The following ARHGAP15 variants were observed in gnomAD, a reference collection of about 807,000 sequenced individuals.
ARHGAP15 encodes the protein rho GTPase-activating protein 15.
A neutral mutation model predicts 63.7 loss-of-function variants in ARHGAP15; 51 were observed. The observed-to-expected ratio is 0.80, with a 90% CI of 0.64 to 1.01. The LOEUF (loss-of-function observed/expected upper bound fraction) is 1.01. ARHGAP15 is among the 50% of genes least tolerant of loss of function. The pLI is 0.00. For missense variants in ARHGAP15, 560 were observed against 564.6 expected, an observed-to-expected ratio of 0.99 and a Z score of 0.08; for synonymous variants, 191 against 193.8, an observed-to-expected ratio of 0.99 and a Z score of 0.12.
At chr2:143,490,456 C>T (rs1266333654) in intron 9 of ARHGAP15, among the ~76,000 whole-genome samples, 1 of 152,164 alleles carries the variant, frequency 6.6e-6, no homozygotes, top group Non-Finnish European at 1.5e-5. Context: ...GAGTCACGTC[C>T]ACAAAGCACT....
chr2:143,262,598 T>C (rs1204661941), intron 6 of ARHGAP15, among the ~76,000 whole-genome samples: 2 of 148,820 alleles, frequency 1.3e-5, no homozygotes, highest in Non-Finnish European at 3.0e-5. Context: ...GACAGTTCAC[T>C]GCTCTCATCA....
chr2:143,712,139 T>C (rs1315109657), intron 13 of ARHGAP15, among the ~76,000 whole-genome samples: 6 of 151,952 alleles, frequency 3.9e-5, no homozygotes, highest in Admixed American at 3.9e-4. Context: ...AAGGGAGTGA[T>C]AGGGAGAATG....
At chr2:143,606,035 C>CAAATA (rs1697999566) in intron 11 of ARHGAP15, among the ~76,000 whole-genome samples, 1 of 22,862 alleles carries the variant, frequency 4.4e-5, no homozygotes, top group Non-Finnish European at 7.0e-5. Context: ...GACTCTGTCT[C>CAAATA]AAAAAAAAAA....
chr2:143,378,436 T>G (rs938413780), intron 6 of ARHGAP15, among the ~76,000 whole-genome samples: 6 of 152,074 alleles, frequency 3.9e-5, no homozygotes, highest in African/African-American at 1.4e-4. Flanking sequence ...CCCAGTTATC[T>G]ATCCAAAATA....
At chr2:143,527,272 T>A (rs1316142208) in intron 10 of ARHGAP15, among the ~76,000 whole-genome samples, 1 of 152,098 alleles carries the variant, frequency 6.6e-6, no homozygotes, top group African/African-American at 2.4e-5. Flanking sequence ...TATTTTTTTG[T>A]ACAGGATATT....
At chr2:143,438,102 T>C (rs33998211) in intron 8 of ARHGAP15, among the ~76,000 whole-genome samples, 7,724 of 151,842 alleles carry the variant, frequency 0.051, 269 homozygotes, top group East Asian at 0.14. Context: ...TTTGGGGGAG[T>C]CTTCTACCTG....
At chr2:143,759,291 T>C (rs1054817470) in intron 13 of ARHGAP15, among the ~76,000 whole-genome samples, 1 of 152,166 alleles carries the variant, frequency 6.6e-6, no homozygotes, top group Admixed American at 6.5e-5. Flanking sequence ...AGGTTTTATT[T>C]ATTTATCTCA....
In ARHGAP15 at chr2:143,760,739, A is replaced by C. The variant is rs1055826497; in HGVS notation, c.1245-7250A>C. Among the ~76,000 whole-genome samples the C allele has an allele frequency of 2.0e-5, 3 of 152,162 alleles. No individual in the cohort carries two copies. In the South Asian group the frequency reaches 6.2e-4, roughly 31 times the overall value. On this transcript the variant is annotated intron_variant, in intron 13 of 13. Coordinates refer to ENST00000295095, the MANE Select transcript of ARHGAP15 (RefSeq NM_018460.4). Reference sequence around the variant, plus strand: ...CTATAATGTACTAAGAATTATATACACCTAACTTTAAAGCTAATTTTTTGC... The same window carrying C: ...CTATAATGTACTAAGAATTATATACCCCTAACTTTAAAGCTAATTTTTTGC...
In ARHGAP15 at chr2:143,475,821, G is replaced by T. The variant is rs1285353183; in HGVS notation, c.704-11552G>T. Among the ~76,000 whole-genome samples, 3 of 152,320 alleles carry T rather than the reference G, an allele frequency of 2.0e-5. No individual in the cohort carries two copies. The East Asian group carries it at 5.8e-4, about 29-fold the overall frequency. ...TGTCTAGAACATTCAAGTAAACTTGGAACTCTGCAGTTTTAGAGGGGCTTT... is the reference window on the plus strand; with the variant it reads ...TGTCTAGAACATTCAAGTAAACTTGTAACTCTGCAGTTTTAGAGGGGCTTT... On this transcript the variant is annotated intron_variant, in intron 8 of 13. Transcript: ENST00000295095.
chr2:143,171,961 T>C (rs532531053), intron 2 of ARHGAP15: 1 of 152,250 alleles, frequency 6.6e-6, no homozygotes, highest in Non-Finnish European at 1.5e-5. Context: ...TCACCATCTT[T>C]AGAATGTAGT....
intron 9 of ARHGAP15, among the ~76,000 whole-genome samples, chr2:143,509,265 A>AT (rs1693465342): frequency 6.6e-6 from 1 of 151,788 alleles, no homozygotes; most frequent in Non-Finnish European, 1.5e-5. Context: ...GGTAACTCCT[A>AT]TTTATTTAGA....
At chr2:143,483,939 G>A (rs1345204951) in intron 8 of ARHGAP15, among the ~76,000 whole-genome samples, 4 of 152,084 alleles carry the variant, frequency 2.6e-5, no homozygotes, top group African/African-American at 9.7e-5. Context: ...AATTACACAG[G>A]CCAGACAGGC....
intron 6 of ARHGAP15, among the ~76,000 whole-genome samples, chr2:143,428,631 C>T (rs1468995981): frequency 6.6e-6 from 1 of 152,012 alleles, no homozygotes; most frequent in Non-Finnish European, 1.5e-5. Flanking sequence ...TTTCATTAAA[C>T]TGTAAACATA....
intron 8 of ARHGAP15, among the ~76,000 whole-genome samples, chr2:143,439,211 TCA>T (rs752259433): frequency 0.058 from 8,803 of 151,772 alleles, 331 homozygotes; most frequent in East Asian, 0.14. Flanking sequence ...TCACCTGAGG[TCA>T]GGAGTTCAAG....
chr2:143,675,782 C>T (rs1682795470), intron 12 of ARHGAP15, among the ~76,000 whole-genome samples: 1 of 152,186 alleles, frequency 6.6e-6, no homozygotes, highest in East Asian at 1.9e-4. Flanking sequence ...TGGAAGGGCC[C>T]TAGGATTTTT....
chr2:143,336,076 C>T (rs762218369), intron 6 of ARHGAP15, among the ~76,000 whole-genome samples: 24 of 152,114 alleles, frequency 1.6e-4, no homozygotes, highest in East Asian at 5.8e-4. Context: ...TCAATGCTCA[C>T]GGCAGCCTCG....
At chr2:143,686,596 T>A (rs1273381290) in intron 12 of ARHGAP15, among the ~76,000 whole-genome samples, 1 of 152,162 alleles carries the variant, frequency 6.6e-6, no homozygotes, top group Non-Finnish European at 1.5e-5. Flanking sequence ...ATTAAATGAC[T>A]GTTTTTGAAC....
intron 9 of ARHGAP15, among the ~76,000 whole-genome samples, chr2:143,500,071 A>G (rs1472431837): frequency 1.3e-5 from 2 of 151,942 alleles, no homozygotes; most frequent in Non-Finnish European, 2.9e-5. Context: ...AAATTTATGA[A>G]AAAGAAATAT....
At chr2:143,702,077 G>A (rs917260488) in intron 12 of ARHGAP15, among the ~76,000 whole-genome samples, 12 of 152,148 alleles carry the variant, frequency 7.9e-5, no homozygotes, top group African/African-American at 2.7e-4. Flanking sequence ...AGAAGAGAAT[G>A]GTTATTGGGT....
Sources: gnomAD v4.1 joint callset for allele counts (sites outside exome capture counted in the v4.1 genomes callset) on GRCh38, gnomAD v4.1.1 for gene constraint, MANE v1.5 for transcripts, NCBI Gene and HGNC (gene_info 2026-07-23, HGNC 2026-07-21) for gene names.